NAV2: variants seen among roughly 807,000 people sequenced by gnomAD.
The protein encoded by NAV2 is helicase, APC down-regulated 1.
Under a neutral mutation model 223.2 loss-of-function variants are expected in NAV2, and 54 were observed. That is an observed-to-expected ratio of 0.24 (90% confidence interval 0.19 to 0.30). The LOEUF (loss-of-function observed/expected upper bound fraction) is 0.30. Among genes scored for constraint, NAV2 ranks in the 10% least tolerant of loss-of-function variants. The pLI, the probability that NAV2 is intolerant of heterozygous loss-of-function variation, is 1.00. For synonymous variants in NAV2, 1,279 were observed against 1,239.3 expected, an observed-to-expected ratio of 1.03 and a Z score of -0.67; for missense variants, 2,806 against 3,147.5, an observed-to-expected ratio of 0.89 and a Z score of 2.60.
At chr11:19,398,321 T>A (rs1189708956) in intron 1 of NAV2, among the ~76,000 whole-genome samples, 2 of 152,104 alleles carry the variant, frequency 1.3e-5, no homozygotes, top group Admixed American at 6.5e-5. Flanking sequence ...AGGAGAGCAA[T>A]GAGAGGATGG....
intron 1 of NAV2, among the ~76,000 whole-genome samples, chr11:19,731,708 G>A (rs891543765): frequency 2.6e-5 from 4 of 152,228 alleles, no homozygotes; most frequent in Admixed American, 1.3e-4. Context: ...TGTGGGCATG[G>A]GCCGATCATT....
intron 1 of NAV2, among the ~76,000 whole-genome samples, chr11:19,436,591 G>T (rs566650378): frequency 6.6e-6 from 1 of 152,148 alleles, no homozygotes; most frequent in East Asian, 1.9e-4. Flanking sequence ...TGAATTTTAG[G>T]ATTGTTTTTC....
intron 12 of NAV2, among the ~76,000 whole-genome samples, chr11:20,042,895 G>T (rs2057061153): frequency 6.6e-6 from 1 of 152,032 alleles, no homozygotes; most frequent in Admixed American, 6.6e-5. Flanking sequence ...AAGCATTCTG[G>T]TCAGCTTTAT....
At chr11:19,779,596 T>C (rs1285457793) in intron 1 of NAV2, among the ~76,000 whole-genome samples, 1 of 152,216 alleles carries the variant, frequency 6.6e-6, no homozygotes, top group East Asian at 1.9e-4. Flanking sequence ...CACTTACTAA[T>C]CCCTGAATCA....
intron 1 of NAV2, among the ~76,000 whole-genome samples, chr11:19,583,189 G>C (rs906141871): frequency 1.4e-4 from 22 of 152,108 alleles, no homozygotes; most frequent in African/African-American, 5.1e-4. Flanking sequence ...CTCTGTTATT[G>C]GTGTATAAGA....
chr11:19,877,962 C>T (rs1036748741), intron 4 of NAV2, among the ~76,000 whole-genome samples: 1 of 152,274 alleles, frequency 6.6e-6, no homozygotes, highest in Middle Eastern at 3.4e-3. Context: ...GTGGAACATG[C>T]TACAGGTGTG....
At chr11:19,810,792 C>A (rs557910849) in intron 1 of NAV2, among the ~76,000 whole-genome samples, 16 of 151,890 alleles carry the variant, frequency 1.1e-4, no homozygotes, top group African/African-American at 3.6e-4. Flanking sequence ...GGGATTTTGG[C>A]ATCTGTATTT....
At chr11:19,345,657 ACT>A in the NAV2 span, among the ~76,000 whole-genome samples, 794 of 151,924 alleles carry the variant, frequency 5.2e-3, 7 homozygotes, top group Admixed American at 9.8e-3. This position sits in a 1 kb window ranked among gnomAD's most constrained non-coding sequence, Gnocchi z 5.2. Flanking sequence ...GCGCTGGGAA[ACT>A]CTTCCCCAGC....
Position 20,106,213 on chromosome 11 carries a change from A to C in NAV2, c.6841+486A>C, listed in dbSNP as rs867656656. ...TATATATATATATATATATATATAT[A>C]TATATATATATATATATGCTTTATG... On this transcript the variant is annotated intron_variant, in intron 35 of 37. Coordinates refer to ENST00000349880, the MANE Select transcript of NAV2 (RefSeq NM_145117.5). 5.3e-5 allele frequency among the ~76,000 whole-genome samples: 5 copies of C among 94,226 alleles called. 2 individuals are homozygous for C. The highest frequency in any genetic ancestry group is 2.2e-4 in the Admixed American group (2 of 9,102). 61.8% of individuals were successfully genotyped at this position (94,226 alleles called of 152,430 possible).
At position 20,079,585 on chromosome 11, in the gene NAV2, G is replaced by A. The variant is rs182168848; in HGVS notation, c.5180-479G>A. 3.3e-3 allele frequency among the ~76,000 whole-genome samples: 506 copies of A among 152,334 alleles called. 5 individuals carry two copies. The highest frequency in any genetic ancestry group is 0.012 in the African/African-American group (494 of 41,558). On this transcript the variant is annotated intron_variant, in intron 24 of 37. Coordinates refer to ENST00000349880, the MANE Select transcript of NAV2 (RefSeq NM_145117.5). ...TTTGAAATGGGAAGGATTTGCAAAT[G>A]AGTTGGCTGGACAGAGTCAAGGGAA...
chr11:19,922,145 C>T (rs532408273), intron 6 of NAV2, among the ~76,000 whole-genome samples: 2 of 152,322 alleles, frequency 1.3e-5, no homozygotes, highest in South Asian at 4.1e-4. Context: ...CCCAGGGCTC[C>T]CCCTAACACC....
chr11:19,445,702 T>C (rs1003858865), intron 1 of NAV2, among the ~76,000 whole-genome samples: 1 of 151,762 alleles, frequency 6.6e-6, no homozygotes. Flanking sequence ...ACTAGCTGGA[T>C]CTAGCTCTGT....
chr11:19,479,438 C>T (rs1273595983), intron 1 of NAV2, among the ~76,000 whole-genome samples: 3 of 152,114 alleles, frequency 2.0e-5, no homozygotes, highest in Admixed American at 6.5e-5. Context: ...GTACCATGTG[C>T]CAGATGCCGT....
At chr11:20,071,888 G>A (rs2059428967) in intron 22 of NAV2, among the ~76,000 whole-genome samples, 1 of 152,150 alleles carries the variant, frequency 6.6e-6, no homozygotes, top group Non-Finnish European at 1.5e-5. Flanking sequence ...CTTCAATGTT[G>A]TAGGTTGCCT....
intron 1 of NAV2, among the ~76,000 whole-genome samples, chr11:19,529,401 T>G (rs1207230200): frequency 1.3e-5 from 2 of 152,202 alleles, no homozygotes; most frequent in African/African-American, 2.4e-5. Context: ...GAGTGTGTAC[T>G]TGTGTGAAAG....
chr11:19,683,775 C>CCACAAACCAG (rs2048940081), intron 1 of NAV2, among the ~76,000 whole-genome samples: 1 of 152,198 alleles, frequency 6.6e-6, no homozygotes. Context: ...AAACTTTACT[C>CCACAAACCAG]CACAAACCAG....
At chr11:19,806,217 T>G (rs2058553878) in intron 1 of NAV2, among the ~76,000 whole-genome samples, 2 of 152,230 alleles carry the variant, frequency 1.3e-5, no homozygotes, top group African/African-American at 4.8e-5. Context: ...ACCTAATGTA[T>G]TTTATAGATG....
At chr11:19,350,699 C>T (rs1300358178), upstream of NAV2, 1 of 513,600 alleles carries the variant, frequency 1.9e-6, no homozygotes, top group African/African-American at 1.9e-5. Context: ...AGTCTCAGAC[C>T]TAAAGTAAAA....
chr11:20,112,223 A>C (rs561589997), intron 36 of NAV2, among the ~76,000 whole-genome samples: 1 of 152,258 alleles, frequency 6.6e-6, no homozygotes, highest in East Asian at 1.9e-4. Context: ...CCACATACAC[A>C]CAAACTCATG....
Sources: allele counts gnomAD v4.1 joint callset (sites outside exome capture counted in the v4.1 genomes callset), GRCh38; gene constraint gnomAD v4.1.1; non-coding constraint Gnocchi (gnomAD v3.1); transcripts MANE v1.5; gene names NCBI Gene and HGNC (gene_info 2026-07-23, HGNC 2026-07-21).